CDKAL1: variants seen among roughly 807,000 people sequenced by gnomAD.
CDKAL1 encodes CDKAL1 threonylcarbamoyladenosine tRNA methylthiotransferase.
Under a neutral mutation model 68.2 loss-of-function variants are expected in CDKAL1, and 32 were observed. The ratio of observed to expected loss-of-function variants is 0.47; its 90% CI spans 0.35 to 0.63. The LOEUF (loss-of-function observed/expected upper bound fraction) is 0.63. Among genes scored for constraint, CDKAL1 ranks in the 30% least tolerant of loss-of-function variants. The pLI is 0.00. For missense variants in CDKAL1, 606 were observed against 696.7 expected, an observed-to-expected ratio of 0.87 and a Z score of 1.47; for synonymous variants, 234 against 244.3, an observed-to-expected ratio of 0.96 and a Z score of 0.39.
At chr6:21,074,851 G>A (rs1256922780) in intron 12 of CDKAL1, among the ~76,000 whole-genome samples, 5 of 151,792 alleles carry the variant, frequency 3.3e-5, no homozygotes, top group Non-Finnish European at 7.4e-5. Context: ...CACATGGTTT[G>A]TGGTTATATG....
At chr6:21,019,250 C>T (rs184359166) in intron 11 of CDKAL1, among the ~76,000 whole-genome samples, 5 of 152,256 alleles carry the variant, frequency 3.3e-5, no homozygotes, top group Admixed American at 2.6e-4. Flanking sequence ...GGGCTGGCAC[C>T]TCCTCATTTG....
At chr6:20,846,012 C>T in intron 8 of CDKAL1, 63 bp from the exon 9 acceptor site, 1 of 979,198 alleles carries the variant, frequency 1.0e-6, no homozygotes, top group Non-Finnish European at 1.6e-6. Context: ...TTGAGGTATC[C>T]CCATGTTAAG....
chr6:20,933,389 A>G (rs1291727615), intron 9 of CDKAL1, among the ~76,000 whole-genome samples: 1 of 152,232 alleles, frequency 6.6e-6, no homozygotes, highest in Non-Finnish European at 1.5e-5. Context: ...TGTGAAAGCT[A>G]GATGGTAGTT....
intron 13 of CDKAL1, among the ~76,000 whole-genome samples, chr6:21,131,025 C>G (rs1324385930): frequency 6.6e-6 from 1 of 152,208 alleles, no homozygotes; most frequent in East Asian, 1.9e-4. Flanking sequence ...AAAGCTACTT[C>G]CAGGGCAGGG....
chr6:20,780,436 T>C (rs1775369663), intron 7 of CDKAL1, among the ~76,000 whole-genome samples: 1 of 152,198 alleles, frequency 6.6e-6, no homozygotes, highest in African/African-American at 2.4e-5. Context: ...TTTGAGCAGA[T>C]ACTTGGTTTT....
At chr6:20,536,847 A>G (rs998734166) in intron 2 of CDKAL1, among the ~76,000 whole-genome samples, 1 of 152,182 alleles carries the variant, frequency 6.6e-6, no homozygotes, top group African/African-American at 2.4e-5. Context: ...ATTTCTAACA[A>G]GTTCCCCATG....
chr6:20,764,248 A>G (rs1241427472), intron 7 of CDKAL1, among the ~76,000 whole-genome samples: 1 of 152,238 alleles, frequency 6.6e-6, no homozygotes, highest in Non-Finnish European at 1.5e-5. Flanking sequence ...TATCGACATT[A>G]GAAAAATGTT....
intron 9 of CDKAL1, among the ~76,000 whole-genome samples, chr6:20,934,548 CAAA>C (rs932552056): frequency 6.6e-6 from 1 of 150,390 alleles, no homozygotes; most frequent in African/African-American, 2.4e-5. Flanking sequence ...ACTGCATTAA[CAAA>C]AAAAAAGTCC....
chr6:20,926,373 A>G (rs1763188086), intron 9 of CDKAL1, among the ~76,000 whole-genome samples: 1 of 152,138 alleles, frequency 6.6e-6, no homozygotes, highest in South Asian at 2.1e-4. Flanking sequence ...TCATTCTAAT[A>G]TTACACTGTG....
intron 15 of CDKAL1, among the ~76,000 whole-genome samples, chr6:21,207,981 T>C (rs1779004411): frequency 1.3e-5 from 2 of 152,066 alleles, no homozygotes; most frequent in Admixed American, 6.5e-5. Flanking sequence ...TTGGCCATTC[T>C]TACGGACAGA....
chr6:21,036,065 A>G (rs181247243), intron 11 of CDKAL1, among the ~76,000 whole-genome samples: 2 of 152,302 alleles, frequency 1.3e-5, no homozygotes. Flanking sequence ...CTCAGAAAAT[A>G]TATCTGCTCC....
At chr6:20,884,837 A>G (rs1760993108) in intron 9 of CDKAL1, among the ~76,000 whole-genome samples, 3 of 152,198 alleles carry the variant, frequency 2.0e-5, no homozygotes, top group African/African-American at 7.2e-5. Context: ...ACTAAAAAAT[A>G]TGAAACAAGT....
At chr6:20,617,913 A>T (rs1367090554) in intron 4 of CDKAL1, among the ~76,000 whole-genome samples, 1 of 152,186 alleles carries the variant, frequency 6.6e-6, no homozygotes, top group East Asian at 1.9e-4. Flanking sequence ...TATGATTTAT[A>T]ATCCTCTGAG....
intron 2 of CDKAL1, among the ~76,000 whole-genome samples, chr6:20,540,745 C>T (rs1763359491): frequency 6.6e-6 from 1 of 152,200 alleles, no homozygotes; most frequent in South Asian, 2.1e-4. Context: ...CGTGAGCCAC[C>T]ATGCCCAGCC....
At chr6:20,945,237 T>G (rs1764179844) in intron 9 of CDKAL1, among the ~76,000 whole-genome samples, 1 of 152,168 alleles carries the variant, frequency 6.6e-6, no homozygotes. Context: ...AATCTGAAAC[T>G]TTTTTGAGTG....
chr6:20,850,949 T>C (rs957354588), intron 9 of CDKAL1, among the ~76,000 whole-genome samples: 1 of 152,156 alleles, frequency 6.6e-6, no homozygotes, highest in African/African-American at 2.4e-5. Context: ...AGCATTAAAG[T>C]AAATATTTCT....
intron 4 of CDKAL1, among the ~76,000 whole-genome samples, chr6:20,589,688 A>G (rs1581776702): frequency 1.3e-5 from 2 of 152,112 alleles, no homozygotes; most frequent in Admixed American, 6.5e-5. Flanking sequence ...GTACTTTTGT[A>G]ATTATTTTAT....
chr6:20,661,376 A>G (rs1205220989), intron 5 of CDKAL1, among the ~76,000 whole-genome samples: 1 of 152,138 alleles, frequency 6.6e-6, no homozygotes, highest in African/African-American at 2.4e-5. Flanking sequence ...CTAGAAACAT[A>G]GATGAAGAGT....
chr6:20,952,138 T>G (rs1764562802), intron 9 of CDKAL1, among the ~76,000 whole-genome samples: 1 of 151,980 alleles, frequency 6.6e-6, no homozygotes, highest in African/African-American at 2.4e-5. Context: ...TTTTGTATTT[T>G]TAGTAGAGAC....
Sources: gnomAD v4.1 joint callset for allele counts (sites outside exome capture counted in the v4.1 genomes callset) on GRCh38, gnomAD v4.1.1 for gene constraint, MANE v1.5 for transcripts, NCBI Gene and HGNC (gene_info 2026-07-23, HGNC 2026-07-21) for gene names.